NET1: variants seen among roughly 807,000 people sequenced by gnomAD.
The protein encoded by NET1 is neuroepithelial cell-transforming gene 1 protein.
In NET1, 42 loss-of-function variants were observed where a neutral mutation model predicts 61.1. The ratio of observed to expected loss-of-function variants is 0.69; its 90% CI spans 0.54 to 0.89. NET1 has a LOEUF of 0.89. Ranked by LOEUF, NET1 falls within the 40% of genes least tolerant of loss-of-function variation. NET1 has a pLI of 0.00. For missense variants in NET1, 654 were observed against 747.3 expected, an observed-to-expected ratio of 0.88 and a Z score of 1.46; for synonymous variants, 254 against 281.8, an observed-to-expected ratio of 0.90 and a Z score of 0.99.
chr10:5,428,038 C>CCTTTTTTTT lies in NET1; in HGVS notation c.196-1132_196-1131insCTTTTTTTT, dbSNP rs767299959. ...CACTTCTATCTGGACTTTGCCGTTC[C>CCTTTTTTTT]TTTTTTTTTTTTTTTTTTTTTTTTT... is the stretch of plus-strand genomic sequence containing the variant. On this transcript the variant is annotated intron_variant, in intron 2 of 11. Transcript: ENST00000355029. Among the ~76,000 whole-genome samples, 2 of 113,904 alleles carry CCTTTTTTTT rather than the reference C, an allele frequency of 1.8e-5. 1 individual carries two copies. The highest frequency in any genetic ancestry group is 6.8e-5 in the African/African-American group (2 of 29,352). 74.7% of individuals were successfully genotyped at this position (113,904 alleles called of 152,430 possible). A position where few individuals can be genotyped will look rare whatever the true frequency, so the allele number is the denominator to read the frequency against.
At chr10:5,436,249 T>TATATA (rs1491369503) in intron 3 of NET1, among the ~76,000 whole-genome samples, 175 of 7,014 alleles carry the variant, frequency 0.025, 5 homozygotes, top group Admixed American at 0.041. Context: ...TATATATATA[T>TATATA]TTTTTTTTTT....
intron 1 of NET1, among the ~76,000 whole-genome samples, chr10:5,425,055 C>T (rs1436004484): frequency 6.6e-6 from 1 of 152,206 alleles, no homozygotes; most frequent in Non-Finnish European, 1.5e-5. Context: ...TTTAGCCCGT[C>T]CTTATTTCTT....
In NET1 at chr10:5,441,937, C is replaced by T. The variant is rs1243497226; in HGVS notation, c.256-9893C>T. 6.6e-6 allele frequency among the ~76,000 whole-genome samples: 1 copy of T among 152,102 alleles called. No homozygotes were observed. The highest frequency in any genetic ancestry group is 1.5e-5 in the Non-Finnish European group (1 of 68,012). On this transcript the variant is annotated intron_variant, in intron 3 of 11. Coordinates refer to ENST00000355029, the MANE Select transcript of NET1 (RefSeq NM_001047160.3). The surrounding 1 kb of genome is among the most constrained non-coding windows in gnomAD (Gnocchi z 4.6). ...TAACTAACCTATTTTTAGTGAGATA[C>T]AGAGTATATGCTTGTAATCTTGAAT...
intron 1 of NET1, among the ~76,000 whole-genome samples, chr10:5,425,261 A>G (rs1427587612): frequency 5.8e-5 from 1 of 17,122 alleles, no homozygotes; most frequent in Admixed American, 8.2e-4. Flanking sequence ...TGTCGGAAAA[A>G]AAACAAAAAC....
At chr10:5,445,526 T>C (rs1486791615) in intron 3 of NET1, among the ~76,000 whole-genome samples, 1 of 152,260 alleles carries the variant, frequency 6.6e-6, no homozygotes, top group African/African-American at 2.4e-5. Flanking sequence ...TATCTGATTC[T>C]ATAAATCCTC....
In NET1 at chr10:5,452,888, G is replaced by C; in HGVS notation, c.562G>C (p.Asp188His). 1 of 1,613,636 alleles carries C rather than the reference G, an allele frequency of 6.2e-7. No individual in the cohort carries two copies. The change falls in exon 6 of 12, where the codon GAT becomes CAT. Residue 188 changes from aspartate (D) to histidine (H), a missense_variant. Asp to His is a moderately conservative substitution (Grantham distance 81). Coordinates refer to ENST00000355029, the MANE Select transcript of NET1 (RefSeq NM_001047160.3). The surrounding 1 kb of genome is among the most constrained non-coding windows in gnomAD (Gnocchi z 4.0). ...AIYEMSRGEQ[D>H]LIEDLKLARK... ...ATATGAAATGTCCCGAGGTGAACAG[G>C]ATTTAATTGAGGATCTCAAACTTGC... is the stretch of plus-strand genomic sequence containing the variant.
At position 5,446,865 on chromosome 10, in the gene NET1, C is replaced by CT; in HGVS notation, c.256-4962dup. 1 of 1,597,524 alleles carries CT rather than the reference C, an allele frequency of 6.3e-7. No individual in the cohort carries two copies. Among genetic ancestry groups the CT allele is most frequent in the Non-Finnish European group, 8.5e-7 (1 of 1,170,176 alleles). ...GTCCTTCAGAGAACAAGAGGTAAGA[C>CT]TTTAAGAGAAACGTTAGGCAAAAGG... On this transcript the variant is annotated intron_variant, in intron 3 of 11. Transcript: ENST00000355029. The surrounding 1 kb of genome is among the most constrained non-coding windows in gnomAD (Gnocchi z 5.0).
chr10:5,429,371 A>G, intron 3 of NET1, 142 bp downstream of exon 3: 1 of 595,540 alleles, frequency 1.7e-6, no homozygotes, highest in African/African-American at 1.9e-5. Context: ...AAAGTGAATA[A>G]TATTAGTTCA....
chr10:5,417,218 C>T lies in NET1; in HGVS notation c.128+4398C>T, dbSNP rs891545981. ...CGATGTGTTCCTCTTGACATCCAGC[C>T]ACCTGTGTGTCTGCCTGCTAGGGTC... On this transcript the variant is annotated intron_variant, in intron 1 of 11. Transcript: ENST00000355029. The surrounding 1 kb of genome is among the most constrained non-coding windows in gnomAD (Gnocchi z 5.5). Among the ~76,000 whole-genome samples, 3 of 151,806 alleles carry T rather than the reference C, an allele frequency of 2.0e-5. No homozygotes were observed. The highest frequency in any genetic ancestry group is 1.3e-4 in the Admixed American group (2 of 15,254).
intron 3 of NET1, among the ~76,000 whole-genome samples, chr10:5,436,222 G>A (rs1389803183): frequency 0.021 from 1,013 of 47,568 alleles, 25 homozygotes; most frequent in East Asian, 0.14. Flanking sequence ...GTGTGTGTGT[G>A]TGCATATATA....
In NET1 at chr10:5,456,940, A is replaced by C; in HGVS notation, c.1737A>C (p.Arg579=). The change falls in exon 12 of 12, where the codon CGA becomes CGC. Residue 579 remains arginine, a synonymous_variant. Coordinates refer to ENST00000355029, the MANE Select transcript of NET1 (RefSeq NM_001047160.3). This position sits in a 1 kb window ranked among gnomAD's most constrained non-coding sequence, Gnocchi z 7.0. ...LKTHQTQPGI[R]RARDKALSGG... is the part of the protein sequence containing the mutation. ...CACACCAGACACAGCCCGGCATCCG[A>C]AGAGCGAGGGACAAAGCCCTTTCTG... is the stretch of plus-strand genomic sequence containing the variant. 1 of 1,605,556 alleles carries C rather than the reference A, an allele frequency of 6.2e-7. No individual in the cohort carries two copies. Among genetic ancestry groups the C allele is most frequent in the South Asian group, 1.1e-5 (1 of 89,876 alleles).
In NET1 at chr10:5,447,196, T is replaced by C. The variant is rs915623047; in HGVS notation, c.256-4634T>C. Reference sequence around the variant, plus strand: ...ATATCATCCAGTCTTAGAAACTACCTTAATGGAGCAAGAGGAAAAGAATCC... The same window carrying C: ...ATATCATCCAGTCTTAGAAACTACCCTAATGGAGCAAGAGGAAAAGAATCC... On this transcript the variant is annotated intron_variant, in intron 3 of 11. Coordinates refer to ENST00000355029, the MANE Select transcript of NET1 (RefSeq NM_001047160.3). The surrounding 1 kb of genome is among the most constrained non-coding windows in gnomAD (Gnocchi z 4.1). Among the ~76,000 whole-genome samples, 2 of 152,238 alleles carry C rather than the reference T, an allele frequency of 1.3e-5. No individual in the cohort carries two copies. Among genetic ancestry groups the C allele is most frequent in the African/African-American group, 4.8e-5 (2 of 41,470 alleles).
rs367994152 is a variant in NET1 at position 5,447,727 on chromosome 10, G to A, written c.256-4103G>A. Among the ~76,000 whole-genome samples, 200 of 152,296 alleles carry A rather than the reference G, an allele frequency of 1.3e-3. 1 individual carries two copies. The highest frequency in any genetic ancestry group is 4.5e-3 in the African/African-American group (189 of 41,562). ...CCTTTTGGTAGTTAAAATAGCTGCC[G>A]TCTTCAGGAAGTACACTTTTATTTG... is the stretch of plus-strand genomic sequence containing the variant. On this transcript the variant is annotated intron_variant, in intron 3 of 11. Transcript: ENST00000355029. This position sits in a 1 kb window ranked among gnomAD's most constrained non-coding sequence, Gnocchi z 4.1.
Position 5,452,939 on chromosome 10 carries a change from A to T in NET1, c.594+19A>T, listed in dbSNP as rs911642196. Reference sequence around the variant, plus strand: ...AAGAAAGGTCAGTAAATAACTTTTTATCAGATGCCCTAGTTTTTAAAAATT... The same window carrying T: ...AAGAAAGGTCAGTAAATAACTTTTTTTCAGATGCCCTAGTTTTTAAAAATT... On this transcript the variant is annotated intron_variant, in intron 6 of 11. Transcript: ENST00000355029. This position sits in a 1 kb window ranked among gnomAD's most constrained non-coding sequence, Gnocchi z 4.0. 3 of 1,475,894 alleles carry T rather than the reference A, an allele frequency of 2.0e-6. No individual in the cohort carries two copies. The highest frequency in any genetic ancestry group is 2.3e-5 in the East Asian group (1 of 44,220). The allele number at this position is 1,475,894 out of a possible 1,614,324, so 91.4% of individuals were successfully genotyped here.
Position 5,435,920 on chromosome 10 carries a change from C to T in NET1, c.255+6691C>T, listed in dbSNP as rs2119189243. Among the ~76,000 whole-genome samples, 1 of 152,008 alleles carries T rather than the reference C, an allele frequency of 6.6e-6. No individual in the cohort carries two copies. Among genetic ancestry groups the T allele is most frequent in the South Asian group, 2.1e-4 (1 of 4,804 alleles). ...GTTTCTCAGCTGTGTATGTTAGCAA[C>T]TACAATCTTTCCTTTTTATTTTGAT... is the stretch of plus-strand genomic sequence containing the variant. On this transcript the variant is annotated intron_variant, in intron 3 of 11. Transcript: ENST00000355029. This position sits in a 1 kb window ranked among gnomAD's most constrained non-coding sequence, Gnocchi z 5.0.
intron 3 of NET1, among the ~76,000 whole-genome samples, chr10:5,438,118 C>A (rs146661231): frequency 1.3e-5 from 2 of 152,252 alleles, no homozygotes; most frequent in East Asian, 3.9e-4. Context: ...GAGAAACTTA[C>A]AGGTGTAAAC....
At chr10:5,448,749 C>T (rs928577963) in intron 3 of NET1, among the ~76,000 whole-genome samples, 12 of 142,664 alleles carry the variant, frequency 8.4e-5, no homozygotes, top group Non-Finnish European at 1.3e-4. Flanking sequence ...TTTGCCATAA[C>T]GTGTTTCCAG....
At position 5,438,715 on chromosome 10, in the gene NET1, A is replaced by G. The variant is rs1189668134; in HGVS notation, c.255+9486A>G. Among the ~76,000 whole-genome samples, 3 of 152,246 alleles carry G rather than the reference A, an allele frequency of 2.0e-5. No homozygotes were observed. In the East Asian group the frequency reaches 5.8e-4, roughly 29 times the overall value. On this transcript the variant is annotated intron_variant, in intron 3 of 11. Transcript: ENST00000355029. ...ACTCTTTCAGAAAATCAAAGAAAATAGAATACTTTCTAAGCCATTCTAAGA... is the reference window on the plus strand; with the variant it reads ...ACTCTTTCAGAAAATCAAAGAAAATGGAATACTTTCTAAGCCATTCTAAGA...
In NET1 at chr10:5,426,245, T is replaced by A. The variant is rs1312264034; in HGVS notation, c.129-410T>A. 6.6e-6 allele frequency among the ~76,000 whole-genome samples: 1 copy of A among 152,192 alleles called. No individual in the cohort carries two copies. Among genetic ancestry groups the A allele is most frequent in the Non-Finnish European group, 1.5e-5 (1 of 68,012 alleles). ...GGTTTTGTTAAGAGTATCCTTTTAT[T>A]TTTGTTTTTTAAAATACTATACGTG... On this transcript the variant is annotated intron_variant, in intron 1 of 11. Transcript: ENST00000355029. This position sits in a 1 kb window ranked among gnomAD's most constrained non-coding sequence, Gnocchi z 4.6.
Sources: allele counts gnomAD v4.1 joint callset (sites outside exome capture counted in the v4.1 genomes callset), GRCh38; gene constraint gnomAD v4.1.1; non-coding constraint Gnocchi (gnomAD v3.1); transcripts MANE v1.5; gene names NCBI Gene and HGNC (gene_info 2026-07-23, HGNC 2026-07-21).